Variants in GRIN2A observed in about 807,000 individuals in gnomAD.
GRIN2A encodes the protein glutamate receptor ionotropic, NMDA 2A.
In GRIN2A, 22 loss-of-function variants were observed where a neutral mutation model predicts 113.4. The observed-to-expected ratio is 0.19, with a 90% confidence interval of 0.14 to 0.28. The LOEUF is 0.28. GRIN2A is among the 10% of genes least tolerant of loss of function. The pLI is 1.00. For missense variants in GRIN2A, 1,502 were observed against 1,887.0 expected (o/e 0.80, Z 3.78); for synonymous variants, 827 against 738.4 (o/e 1.12, Z -1.94).
At chr16:9,849,654 C>T in intron 5 of GRIN2A, 102 bp downstream of exon 5, 1 of 904,672 alleles carries the variant, frequency 1.1e-6, no homozygotes, top group South Asian at 1.3e-5. Context: ...CGTGTATTTT[C>T]TATGACATTT....
intron 2 of GRIN2A, 136 bp downstream of exon 2, chr16:10,179,862 C>A: frequency 1.3e-6 from 1 of 748,408 alleles, no homozygotes; most frequent in Non-Finnish European, 2.4e-6. Context: ...CTCACCAGGG[C>A]CAGTGGCCAC....
chr16:10,166,039 A>C (rs565265928), intron 2 of GRIN2A, among the ~76,000 whole-genome samples: 1 of 152,266 alleles, frequency 6.6e-6, no homozygotes, highest in Non-Finnish European at 1.5e-5. Context: ...CATCGTTCTG[A>C]GTCTACTCAC....
chr16:9,863,458 G>A (rs2043107101), intron 4 of GRIN2A, among the ~76,000 whole-genome samples: 1 of 152,132 alleles, frequency 6.6e-6, no homozygotes, highest in African/African-American at 2.4e-5. Flanking sequence ...CTCTTCTGAG[G>A]ACCTTGAATT....
chr16:10,143,797 T>A (rs1455185609), intron 2 of GRIN2A, among the ~76,000 whole-genome samples: 1 of 151,980 alleles, frequency 6.6e-6, no homozygotes, highest in Non-Finnish European at 1.5e-5. Context: ...AAACCCCATC[T>A]CTACTAAAAA....
At chr16:10,111,348 G>A (rs1397931255) in intron 2 of GRIN2A, 3 of 412,908 alleles carry the variant, frequency 7.3e-6, no homozygotes, top group Non-Finnish European at 1.4e-5. Flanking sequence ...GCGGCCGCGC[G>A]GGTGTTTGTC....
chr16:9,993,822 G>A (rs1053896680), intron 2 of GRIN2A, among the ~76,000 whole-genome samples: 2 of 152,168 alleles, frequency 1.3e-5, no homozygotes, highest in African/African-American at 2.4e-5. Context: ...ACAGAGGCAA[G>A]AGATCCCAGG....
At chr16:10,130,704 G>A (rs78994193) in intron 2 of GRIN2A, among the ~76,000 whole-genome samples, 2,555 of 152,262 alleles carry the variant, frequency 0.017, 87 homozygotes, top group African/African-American at 0.058. Flanking sequence ...ATATAACCCA[G>A]GGGACTCTCT....
intron 2 of GRIN2A, among the ~76,000 whole-genome samples, chr16:9,988,268 G>GGT (rs71157798): frequency 4.1e-5 from 5 of 121,808 alleles, no homozygotes; most frequent in South Asian, 6.1e-4. Context: ...GATCCATAGG[G>GGT]GTGTGTGTGT....
chr16:10,091,615 T>C (rs1045138049), intron 2 of GRIN2A, among the ~76,000 whole-genome samples: 7 of 151,992 alleles, frequency 4.6e-5, no homozygotes, highest in African/African-American at 1.5e-4. Flanking sequence ...GCCTGGGGAA[T>C]AGGCCCCATC....
chr16:9,922,259 A>G (rs1453247041), intron 3 of GRIN2A, among the ~76,000 whole-genome samples: 1 of 152,118 alleles, frequency 6.6e-6, no homozygotes, highest in Non-Finnish European at 1.5e-5. Flanking sequence ...CTGCTCTGAC[A>G]TCATGAAATA....
At chr16:9,916,698 C>A (rs1051326352) in intron 3 of GRIN2A, among the ~76,000 whole-genome samples, 2 of 152,166 alleles carry the variant, frequency 1.3e-5, no homozygotes, top group Non-Finnish European at 2.9e-5. Flanking sequence ...CTTTTCCAAC[C>A]TTTCAAGGCA....
chr16:10,179,704 G>C, intron 2 of GRIN2A: 3 of 453,996 alleles, frequency 6.6e-6, no homozygotes, highest in Non-Finnish European at 1.2e-5. Context: ...TGCCACCACC[G>C]CCACCACCAC....
chr16:10,045,407 T>C (rs906792552), intron 2 of GRIN2A, among the ~76,000 whole-genome samples: 37 of 110,720 alleles, frequency 3.3e-4, no homozygotes, highest in African/African-American at 1.3e-3. Context: ...TCAGGCCTCT[T>C]GCAAATTTTT....
intron 2 of GRIN2A, among the ~76,000 whole-genome samples, chr16:10,172,120 G>C (rs1000838317): frequency 6.6e-6 from 1 of 152,226 alleles, no homozygotes; most frequent in African/African-American, 2.4e-5. Context: ...AGCTGGAAGA[G>C]ATCTTAGTGA....
intron 11 of GRIN2A, among the ~76,000 whole-genome samples, chr16:9,770,436 T>C (rs568126959): frequency 6.6e-6 from 1 of 152,348 alleles, no homozygotes; most frequent in South Asian, 2.1e-4. Flanking sequence ...GTTCTCACTC[T>C]TGAATGATAT....
chr16:9,982,104 G>C (rs916397516), intron 2 of GRIN2A, among the ~76,000 whole-genome samples: 3 of 152,134 alleles, frequency 2.0e-5, no homozygotes, highest in Admixed American at 1.3e-4. Flanking sequence ...TATGACTCTT[G>C]AGACTCTTTT....
chr16:9,819,168 T>C (rs1226727647), intron 10 of GRIN2A, among the ~76,000 whole-genome samples: 2 of 152,180 alleles, frequency 1.3e-5, no homozygotes, highest in Non-Finnish European at 2.9e-5. Flanking sequence ...CTTTTCACTG[T>C]TTTTTTCTTT....
intron 2 of GRIN2A, among the ~76,000 whole-genome samples, chr16:10,054,961 T>G (rs895230080): frequency 2.1e-5 from 3 of 142,850 alleles, no homozygotes; most frequent in African/African-American, 7.8e-5. Flanking sequence ...GGCAGGAGAA[T>G]CGCTTGAACC....
intron 3 of GRIN2A, among the ~76,000 whole-genome samples, chr16:9,894,697 T>A (rs567564007): frequency 6.6e-6 from 1 of 152,284 alleles, no homozygotes; most frequent in South Asian, 2.1e-4. Context: ...TAAGCTGACA[T>A]TTTGGTTCCA....
Sources: allele counts gnomAD v4.1 joint callset (sites outside exome capture counted in the v4.1 genomes callset), GRCh38; gene constraint gnomAD v4.1.1; transcripts MANE v1.5; gene names NCBI Gene and HGNC (gene_info 2026-07-23, HGNC 2026-07-21).